GOLGA7B: variants seen among roughly 807,000 people sequenced by gnomAD.
The protein encoded by GOLGA7B is golgin subfamily A member 7B.
Under a neutral mutation model 21.5 loss-of-function variants are expected in GOLGA7B, and 17 were observed. The observed-to-expected ratio is 0.79, with a 90% confidence interval of 0.54 to 1.19. The LOEUF is 1.19. GOLGA7B is among the 50% of genes most tolerant of loss of function. The probability of loss-of-function intolerance (pLI) is 0.00; values close to 1 mark genes in which losing one functional copy is unlikely to be tolerated. For missense variants in GOLGA7B, 169 were observed against 224.4 expected, an observed-to-expected ratio of 0.75 and a Z score of 1.58; for synonymous variants, 87 against 84.0, an observed-to-expected ratio of 1.04 and a Z score of -0.19.
chr10:97,850,681 C>T (rs2049900015), intron 1 of GOLGA7B, among the ~76,000 whole-genome samples: 1 of 152,134 alleles, frequency 6.6e-6, no homozygotes, highest in East Asian at 1.9e-4. Context: ...GGCGGCTGTC[C>T]GCTGTTGCTA....
intron 4 of GOLGA7B, 179 bp from the exon 5 acceptor site, chr10:97,865,411 C>A (rs538377935): frequency 1.9e-6 from 2 of 1,053,924 alleles, no homozygotes; most frequent in South Asian, 3.6e-5. Flanking sequence ...TAATTGTTAG[C>A]TAAGTAATGT....
chr10:97,857,363 A>ACACACACACACACT (rs1491519990), intron 1 of GOLGA7B, among the ~76,000 whole-genome samples: 1 of 16,534 alleles, frequency 6.0e-5, no homozygotes, highest in African/African-American at 3.0e-4. Context: ...CAATAGCCAG[A>ACACACACACACACT]CACACACACA....
intron 1 of GOLGA7B, among the ~76,000 whole-genome samples, chr10:97,852,711 T>C (rs1294416450): frequency 8.2e-6 from 1 of 121,676 alleles, no homozygotes; most frequent in Admixed American, 9.0e-5. Flanking sequence ...AGGAAGGGGG[T>C]GGGGAGAGGG....
chr10:97,865,824 G>T lies in GOLGA7B; in HGVS notation c.*124G>T. ...TTGGGCTCACCCTGCTGCCCGGGGT[G>T]GGAGGGAGGGTGACGGGCCTCATAT... On this transcript the variant is annotated 3_prime_UTR_variant, in exon 5 of 5. Coordinates refer to ENST00000370602, the MANE Select transcript of GOLGA7B (RefSeq NM_001010917.3). 5 of 1,220,880 alleles carry T rather than the reference G, an allele frequency of 4.1e-6. No individual in the cohort carries two copies. Among genetic ancestry groups the T allele is most frequent in the South Asian group, 1.5e-5 (1 of 65,034 alleles). The allele number at this position is 1,220,880 out of a possible 1,614,324, so 75.6% of individuals were successfully genotyped here. A position where few individuals can be genotyped will look rare whatever the true frequency, so the allele number is the denominator to read the frequency against.
intron 1 of GOLGA7B, 79 bp from the exon 2 acceptor site, chr10:97,859,379 A>G (rs1174957203): frequency 4.1e-6 from 6 of 1,448,420 alleles, no homozygotes; most frequent in Admixed American, 1.9e-5. Flanking sequence ...GAAGACCTGC[A>G]TTCTGGGAAA....
chr10:97,865,780 C>A lies in GOLGA7B; in HGVS notation c.*80C>A. The A allele has an allele frequency of 6.8e-7, 1 of 1,478,432 alleles. No individual in the cohort carries two copies. The highest frequency in any genetic ancestry group is 2.4e-5 in the East Asian group (1 of 40,886). 91.6% of individuals were successfully genotyped at this position (1,478,432 alleles called of 1,614,324 possible). A position where few individuals can be genotyped will look rare whatever the true frequency, so the allele number is the denominator to read the frequency against. ...CTGCGGCGGCTGCGCTACCAGAGCACCCGCTTCTGAGTCATTCTTTGGGCT... is the reference window on the plus strand; with the variant it reads ...CTGCGGCGGCTGCGCTACCAGAGCAACCGCTTCTGAGTCATTCTTTGGGCT... On this transcript the variant is annotated 3_prime_UTR_variant, in exon 5 of 5. Transcript: ENST00000370602.
chr10:97,868,490 G>T lies in GOLGA7B; in HGVS notation c.*2790G>T, dbSNP rs138156624. ...CCAGAGAGGGGCTCATCAGACTGTG[G>T]GGACAACGGCTCCAGCCTCTTAGGT... On this transcript the variant is annotated 3_prime_UTR_variant, in exon 5 of 5. Transcript: ENST00000370602. 2 of 152,396 alleles carry T rather than the reference G, an allele frequency of 1.3e-5. No homozygotes were observed. Among genetic ancestry groups the T allele is most frequent in the African/African-American group, 4.8e-5 (2 of 41,588 alleles). 9.4% of individuals were successfully genotyped at this position (152,396 alleles called of 1,614,324 possible).
intron 2 of GOLGA7B, among the ~76,000 whole-genome samples, chr10:97,863,266 G>A (rs1052961308): frequency 6.6e-6 from 1 of 152,220 alleles, no homozygotes; most frequent in Non-Finnish European, 1.5e-5. Context: ...TTTTCTGATA[G>A]AATTGTTCTG....
intron 2 of GOLGA7B, among the ~76,000 whole-genome samples, chr10:97,863,558 C>T (rs1230362154): frequency 6.6e-6 from 1 of 152,230 alleles, no homozygotes; most frequent in Non-Finnish European, 1.5e-5. Flanking sequence ...GTGTCAAAGT[C>T]ACTAGAATAC....
At chr10:97,861,378 G>A (rs1177059663) in intron 2 of GOLGA7B, among the ~76,000 whole-genome samples, 1 of 152,250 alleles carries the variant, frequency 6.6e-6, no homozygotes, top group Non-Finnish European at 1.5e-5. Flanking sequence ...CGCAGGGAAA[G>A]CTTAGAGACT....
At chr10:97,855,463 C>T (rs887266978) in intron 1 of GOLGA7B, among the ~76,000 whole-genome samples, 6 of 152,156 alleles carry the variant, frequency 3.9e-5, no homozygotes, top group Admixed American at 3.3e-4. Flanking sequence ...ATGGTTTCTT[C>T]CCTTTCTTTC....
At chr10:97,859,413 G>A (rs199523057) in intron 1 of GOLGA7B, 45 bp from the exon 2 acceptor site, 11 of 1,603,198 alleles carry the variant, frequency 6.9e-6, no homozygotes, top group East Asian at 2.2e-5. Context: ...GATATGCCGA[G>A]ATGGATGGTC....
intron 1 of GOLGA7B, among the ~76,000 whole-genome samples, chr10:97,851,105 C>T (rs1191760358): frequency 6.6e-6 from 1 of 152,130 alleles, no homozygotes; most frequent in African/African-American, 2.4e-5. Context: ...TATGTTCCCA[C>T]TTTATACATG....
At chr10:97,861,289 A>G (rs1285346097) in intron 2 of GOLGA7B, among the ~76,000 whole-genome samples, 1 of 152,220 alleles carries the variant, frequency 6.6e-6, no homozygotes, top group Non-Finnish European at 1.5e-5. Flanking sequence ...GCTTTTTCAC[A>G]GGACTCTTAT....
chr10:97,865,487 A>G, intron 4 of GOLGA7B, 103 bp from the exon 5 acceptor site: 1 of 1,553,434 alleles, frequency 6.4e-7, no homozygotes, highest in Middle Eastern at 1.7e-4. Context: ...AGGCAGCAGC[A>G]CAAGCCCACT....
At chr10:97,854,241 G>C (rs2049921779) in intron 1 of GOLGA7B, among the ~76,000 whole-genome samples, 1 of 152,202 alleles carries the variant, frequency 6.6e-6, no homozygotes, top group Admixed American at 6.5e-5. Context: ...GAGATGAAAG[G>C]GGCTTGAGCA....
intron 2 of GOLGA7B, among the ~76,000 whole-genome samples, chr10:97,861,404 A>C (rs902375843): frequency 6.6e-6 from 1 of 152,232 alleles, no homozygotes; most frequent in African/African-American, 2.4e-5. Context: ...GAAGAGCTGC[A>C]GGCTGCTTTT....
Position 97,864,287 on chromosome 10 carries a change from T to C in GOLGA7B, c.393+18T>C, listed in dbSNP as rs1204300659. Reference sequence around the variant, plus strand: ...TGAGGGTTGTATCCTTCTGGGCTATTCTGTGTTGAGGGCACAGGACTGCTA... The same window carrying C: ...TGAGGGTTGTATCCTTCTGGGCTATCCTGTGTTGAGGGCACAGGACTGCTA... On this transcript the variant is annotated intron_variant, in intron 4 of 4. Transcript: ENST00000370602. 3 of 1,604,928 alleles carry C rather than the reference T, an allele frequency of 1.9e-6. No individual in the cohort carries two copies. In the Admixed American group the frequency reaches 5.0e-5, roughly 27 times the overall value.
rs1325414848 is a variant in GOLGA7B, at chr10:97,867,967, G to C, written c.*2267G>C. 1 of 152,252 alleles carries C rather than the reference G, an allele frequency of 6.6e-6. No homozygotes were observed. Among genetic ancestry groups the C allele is most frequent in the Non-Finnish European group, 1.5e-5 (1 of 68,076 alleles). The allele number at this position is 152,252 out of a possible 1,614,324, so 9.4% of individuals were successfully genotyped here. A position where few individuals can be genotyped will look rare whatever the true frequency, so the allele number is the denominator to read the frequency against. On this transcript the variant is annotated 3_prime_UTR_variant, in exon 5 of 5. Transcript: ENST00000370602. ...TAGCCTTGGGTGGGGGAACAGGTTG[G>C]ACTGAAAGCGAGGCCAAAAGTAATC...
Sources: gnomAD v4.1 joint callset for allele counts (sites outside exome capture counted in the v4.1 genomes callset) on GRCh38, gnomAD v4.1.1 for gene constraint, MANE v1.5 for transcripts, NCBI Gene and HGNC (gene_info 2026-07-23, HGNC 2026-07-21) for gene names.